LRRC2: variants seen among roughly 807,000 people sequenced by gnomAD.
LRRC2 encodes leucine-rich repeat-containing protein 2.
A neutral mutation model predicts 40.2 loss-of-function variants in LRRC2; 27 were observed. That is an observed-to-expected ratio of 0.67 (90% confidence interval 0.49 to 0.93). LRRC2 has a LOEUF of 0.93. LRRC2 is among the 40% of genes least tolerant of loss of function. LRRC2 has a pLI of 0.00. For missense variants in LRRC2, 402 were observed against 439.6 expected, an observed-to-expected ratio of 0.91 and a Z score of 0.76; for synonymous variants, 147 against 158.9, an observed-to-expected ratio of 0.92 and a Z score of 0.56.
intron 5 of LRRC2, among the ~76,000 whole-genome samples, chr3:46,530,505 G>A (rs375059595): frequency 5.6e-4 from 86 of 152,224 alleles, no homozygotes; most frequent in Admixed American, 8.5e-4. Context: ...ACTTGAACCC[G>A]GATAGCGGAG....
rs1703907917 is a variant in LRRC2 at position 46,518,566 on chromosome 3, T to A, written c.*448A>T. On this transcript the variant is annotated 3_prime_UTR_variant, in exon 9 of 9. Transcript: ENST00000395905. ...TAGTAGAGATGGGGTTTCGCCATGC[T>A]GGCCAAACCAGCCTCGAACTCCGGA... The A allele has an allele frequency of 6.5e-6, 1 of 152,910 alleles. No homozygotes were observed. The highest frequency in any genetic ancestry group is 1.5e-5 in the Non-Finnish European group (1 of 68,554). 9.5% of individuals were successfully genotyped at this position (152,910 alleles called of 1,614,324 possible).
chr3:46,560,733 C>T (rs1349864806), intron 1 of LRRC2, among the ~76,000 whole-genome samples: 1 of 152,148 alleles, frequency 6.6e-6, no homozygotes, highest in African/African-American at 2.4e-5. Flanking sequence ...GAGAACAAGC[C>T]TCCCTCAATT....
At chr3:46,539,891 T>C (rs940549573) in intron 3 of LRRC2, among the ~76,000 whole-genome samples, 6 of 152,140 alleles carry the variant, frequency 3.9e-5, no homozygotes, top group African/African-American at 1.4e-4. Context: ...AGAAATCTAA[T>C]TCACCGAGAG....
intron 4 of LRRC2, among the ~76,000 whole-genome samples, chr3:46,533,432 C>T (rs1416937541): frequency 6.6e-6 from 1 of 152,140 alleles, no homozygotes; most frequent in Non-Finnish European, 1.5e-5. Context: ...TACAGATTCT[C>T]CCTAACTTAC....
rs750196630 is a variant in LRRC2 at position 46,517,611 on chromosome 3, G to A, written c.*1403C>T. 5.3e-5 allele frequency: 8 copies of A among 152,198 alleles called. No homozygotes were observed. The highest frequency in any genetic ancestry group is 5.9e-5 in the Non-Finnish European group (4 of 68,074). 9.4% of individuals were successfully genotyped at this position (152,198 alleles called of 1,614,324 possible). A position where few individuals can be genotyped will look rare whatever the true frequency, so the allele number is the denominator to read the frequency against. On this transcript the variant is annotated 3_prime_UTR_variant, in exon 9 of 9. Coordinates refer to ENST00000395905, the MANE Select transcript of LRRC2 (RefSeq NM_024512.5). The stretch of plus-strand genomic sequence containing the variant: ...TTGCCTCAGCCTCCCATAGTGCTGG[G>A]ATTATAGGTGTGAGCCACCGTGCCC...
chr3:46,543,223 G>A (rs545154609), intron 3 of LRRC2, among the ~76,000 whole-genome samples: 14 of 152,242 alleles, frequency 9.2e-5, no homozygotes, highest in Non-Finnish European at 1.3e-4. Flanking sequence ...GAGATTGCAA[G>A]TTTTGAGGAC....
At chr3:46,547,068 T>G (rs1472851914) in intron 2 of LRRC2, among the ~76,000 whole-genome samples, 2 of 152,226 alleles carry the variant, frequency 1.3e-5, no homozygotes, top group African/African-American at 4.8e-5. Context: ...GCATTTGCTG[T>G]TATGCCTGCC....
At chr3:46,551,840 C>T (rs1186409951) in intron 1 of LRRC2, among the ~76,000 whole-genome samples, 1 of 148,448 alleles carries the variant, frequency 6.7e-6, no homozygotes, top group African/African-American at 2.5e-5. Context: ...ACTCTGTTGC[C>T]CAGGCTGGAA....
Position 46,520,987 on chromosome 3 carries a change from C to A in LRRC2, c.1066+535G>T, listed in dbSNP as rs554178459. On this transcript the variant is annotated intron_variant, in intron 8 of 8. Coordinates refer to ENST00000395905, the MANE Select transcript of LRRC2 (RefSeq NM_024512.5). ...GAATCTGGCGCTGGGAAAAAGCCTT[C>A]CCACCCTTTCCTGAGGTACTTGACC... Among the ~76,000 whole-genome samples, 15 of 152,280 alleles carry A rather than the reference C, an allele frequency of 9.9e-5. No homozygotes were observed. The South Asian group carries it at 2.5e-3, about 25-fold the overall frequency.
chr3:46,554,959 G>T (rs1350469413), intron 1 of LRRC2, among the ~76,000 whole-genome samples: 3 of 152,076 alleles, frequency 2.0e-5, no homozygotes, highest in African/African-American at 7.2e-5. Flanking sequence ...GAGGTATCTT[G>T]TTGTTTTGAT....
rs115786685 is a variant in LRRC2, at chr3:46,542,087, C to T, written c.334-2886G>A. Reference sequence around the variant, plus strand: ...CAACTTCCTCAAAAGCTAAGTGTGCCCGACACACACTCAGAGCTTCTGGTC... The same window carrying T: ...CAACTTCCTCAAAAGCTAAGTGTGCTCGACACACACTCAGAGCTTCTGGTC... On this transcript the variant is annotated intron_variant, in intron 3 of 8. Transcript: ENST00000395905. Among the ~76,000 whole-genome samples the T allele has an allele frequency of 4.6e-3, 694 of 152,046 alleles. 11 individuals carry two copies. Among genetic ancestry groups the T allele is most frequent in the African/African-American group, 0.016 (644 of 41,466 alleles).
intron 2 of LRRC2, among the ~76,000 whole-genome samples, chr3:46,549,061 C>T (rs1416650009): frequency 1.3e-5 from 2 of 152,144 alleles, no homozygotes; most frequent in African/African-American, 2.4e-5. Context: ...AAGTTTCATT[C>T]GGAGAGAGTG....
At chr3:46,525,191 C>T (rs575961087) in intron 7 of LRRC2, among the ~76,000 whole-genome samples, 3 of 150,650 alleles carry the variant, frequency 2.0e-5, no homozygotes, top group South Asian at 4.2e-4. Flanking sequence ...CAAGCTCAAG[C>T]GACCCTTGCA....
At chr3:46,525,155 C>G (rs1329223825) in intron 7 of LRRC2, among the ~76,000 whole-genome samples, 1 of 143,620 alleles carries the variant, frequency 7.0e-6, no homozygotes, top group East Asian at 2.1e-4. Context: ...GGTACACAAT[C>G]ATGGCTCACT....
At chr3:46,564,820 T>C (rs190873156) in intron 1 of LRRC2, among the ~76,000 whole-genome samples, 1 of 152,240 alleles carries the variant, frequency 6.6e-6, no homozygotes, top group East Asian at 1.9e-4. Flanking sequence ...GTGTCATCAA[T>C]GTAAGGAAAA....
intron 2 of LRRC2, chr3:46,551,227 G>A (rs577156675): frequency 1.9e-5 from 6 of 322,874 alleles, no homozygotes; most frequent in Admixed American, 9.8e-5. Context: ...GTGTCATCTC[G>A]GTCTTCCTCG....
intron 3 of LRRC2, among the ~76,000 whole-genome samples, chr3:46,543,633 AT>A (rs1199070517): frequency 6.5e-5 from 6 of 92,422 alleles, no homozygotes; most frequent in Non-Finnish European, 1.6e-4. Context: ...AATAATAATA[AT>A]AATAATAATA....
At chr3:46,551,420 C>A (rs769896736) in intron 2 of LRRC2, 47 bp downstream of exon 2, 1 of 1,593,058 alleles carries the variant, frequency 6.3e-7, no homozygotes, top group Non-Finnish European at 8.5e-7. Context: ...CTGTCCAAAT[C>A]CTTATTCACC....
chr3:46,527,323 G>T, intron 7 of LRRC2, 103 bp downstream of exon 7: 1 of 1,221,200 alleles, frequency 8.2e-7, no homozygotes, highest in Non-Finnish European at 1.2e-6. Flanking sequence ...CTCAGAGTAC[G>T]AGAGCCATCT....
Sources: allele counts gnomAD v4.1 joint callset (sites outside exome capture counted in the v4.1 genomes callset), GRCh38; gene constraint gnomAD v4.1.1; transcripts MANE v1.5; gene names NCBI Gene and HGNC (gene_info 2026-07-23, HGNC 2026-07-21).